The following RAB22A variants were observed in gnomAD, a reference collection of about 807,000 sequenced individuals.
RAB22A encodes the protein RAB22A, member RAS oncogene family.
Under a neutral mutation model 30.2 loss-of-function variants are expected in RAB22A, and 13 were observed. The ratio of observed to expected loss-of-function variants is 0.43; its 90% CI spans 0.28 to 0.68. The LOEUF (loss-of-function observed/expected upper bound fraction) is 0.68. RAB22A is among the 30% of genes least tolerant of loss of function. The pLI is 0.18. For synonymous variants in RAB22A, 89 were observed against 87.2 expected (o/e 1.02, Z -0.11); for missense variants, 177 against 246.8 (o/e 0.72, Z 1.89).
At chr20:58,328,723 G>A (rs757253516) in intron 2 of RAB22A, among the ~76,000 whole-genome samples, 4 of 151,956 alleles carry the variant, frequency 2.6e-5, no homozygotes, top group African/African-American at 7.3e-5. Context: ...ACTTTAGTCA[G>A]GCTTTGATAC....
At chr20:58,326,172 A>C (rs1986566720) in intron 2 of RAB22A, among the ~76,000 whole-genome samples, 1 of 151,758 alleles carries the variant, frequency 6.6e-6, no homozygotes. Flanking sequence ...CTGTATGTTT[A>C]TATTTAAGGT....
At chr20:58,358,895 C>CAA (rs1181619167) in intron 6 of RAB22A, among the ~76,000 whole-genome samples, 6 of 92,286 alleles carry the variant, frequency 6.5e-5, no homozygotes, top group Admixed American at 1.2e-4. Flanking sequence ...TAGCCTGTCT[C>CAA]AAAAAAAAAA....
At chr20:58,359,056 A>G (rs1987180180) in intron 6 of RAB22A, among the ~76,000 whole-genome samples, 1 of 152,190 alleles carries the variant, frequency 6.6e-6, no homozygotes, top group South Asian at 2.1e-4. Flanking sequence ...GTAGGGATAT[A>G]GGTGTGCCTG....
intron 2 of RAB22A, among the ~76,000 whole-genome samples, chr20:58,340,840 T>C (rs1442463425): frequency 6.6e-6 from 1 of 152,122 alleles, no homozygotes; most frequent in Non-Finnish European, 1.5e-5. Context: ...ACATTTAAGC[T>C]GAGACCCAAA....
In RAB22A at chr20:58,359,936, G is replaced by T; in HGVS notation, c.*233G>T. 1 of 262,976 alleles carries T rather than the reference G, an allele frequency of 3.8e-6. No homozygotes were observed. The highest frequency in any genetic ancestry group is 7.2e-6 in the Non-Finnish European group (1 of 138,928). 16.3% of individuals were successfully genotyped at this position (262,976 alleles called of 1,614,324 possible). On this transcript the variant is annotated 3_prime_UTR_variant, in exon 7 of 7. Coordinates refer to ENST00000244040, the MANE Select transcript of RAB22A (RefSeq NM_020673.3). ...AGTGTACAAAGGGACTACATCGTTGGCTTTTGACCTTGCTGAAAAGGAACA... is the reference window on the plus strand; with the variant it reads ...AGTGTACAAAGGGACTACATCGTTGTCTTTTGACCTTGCTGAAAAGGAACA...
At chr20:58,323,390 C>T (rs1473314766) in intron 2 of RAB22A, among the ~76,000 whole-genome samples, 2 of 151,492 alleles carry the variant, frequency 1.3e-5, no homozygotes, top group Admixed American at 6.6e-5. Flanking sequence ...TTTTTGTGTT[C>T]TCTGTATACT....
intron 2 of RAB22A, among the ~76,000 whole-genome samples, chr20:58,321,400 T>C (rs183414020): frequency 6.6e-6 from 1 of 152,188 alleles, no homozygotes; most frequent in East Asian, 1.9e-4. Flanking sequence ...GAGAACATAC[T>C]CAGTATTATT....
rs1434642647 is a variant in RAB22A, at chr20:58,362,783, G to A, written c.*3080G>A. 1 of 152,216 alleles carries A rather than the reference G, an allele frequency of 6.6e-6. No individual in the cohort carries two copies. Among genetic ancestry groups the A allele is most frequent in the African/African-American group, 2.4e-5 (1 of 41,462 alleles). The allele number at this position is 152,216 out of a possible 1,614,324, so 9.4% of individuals were successfully genotyped here. A position where few individuals can be genotyped will look rare whatever the true frequency, so the allele number is the denominator to read the frequency against. On this transcript the variant is annotated 3_prime_UTR_variant, in exon 7 of 7. Transcript: ENST00000244040. ...TTTTCAAAGTAACTTATTTTCTTGT[G>A]ACCCGTTTATGATGTTGTTTGAAGT... is the stretch of plus-strand genomic sequence containing the variant.
rs1239185774 is a variant in RAB22A at position 58,364,210 on chromosome 20, T to C, written c.*4507T>C. Reference sequence around the variant, plus strand: ...GGACATAATGTGGGAAGTGAATAAATAGAACCAAGAATCTTCATCTATCTC... The same window carrying C: ...GGACATAATGTGGGAAGTGAATAAACAGAACCAAGAATCTTCATCTATCTC... On this transcript the variant is annotated 3_prime_UTR_variant, in exon 7 of 7. Transcript: ENST00000244040. The C allele has an allele frequency of 1.3e-5, 2 of 152,514 alleles. No homozygotes were observed. Among genetic ancestry groups the C allele is most frequent in the African/African-American group, 4.8e-5 (2 of 41,460 alleles). The allele number at this position is 152,514 out of a possible 1,614,324, so 9.4% of individuals were successfully genotyped here. A position where few individuals can be genotyped will look rare whatever the true frequency, so the allele number is the denominator to read the frequency against.
In RAB22A at chr20:58,363,928, C is replaced by A. The variant is rs1351176883; in HGVS notation, c.*4225C>A. 6.6e-6 allele frequency: 1 copy of A among 152,524 alleles called. No individual in the cohort carries two copies. The highest frequency in any genetic ancestry group is 1.5e-5 in the Non-Finnish European group (1 of 68,022). 9.4% of individuals were successfully genotyped at this position (152,524 alleles called of 1,614,324 possible). Reference sequence around the variant, plus strand: ...AAAAGGGTTGGGGGTGGAATTTAGCCTAGAACTTAAAGAAACAACCTCTGC... The same window carrying A: ...AAAAGGGTTGGGGGTGGAATTTAGCATAGAACTTAAAGAAACAACCTCTGC... On this transcript the variant is annotated 3_prime_UTR_variant, in exon 7 of 7. Transcript: ENST00000244040.
chr20:58,354,272 ATC>A lies in RAB22A; in HGVS notation c.487+11_487+12del. 6.3e-7 allele frequency: 1 copy of A among 1,583,694 alleles called. No individual in the cohort carries two copies. The highest frequency in any genetic ancestry group is 1.1e-5 in the South Asian group (1 of 89,852). ...GAACTCTTTATAGAAATTAGTGAGT[ATC>A]TCTGTGCCTTATCCATTTCCTCTGT... On this transcript the variant is annotated splice_region_variant and intron_variant, in intron 6 of 6. Transcript: ENST00000244040.
chr20:58,309,801 C>T lies in RAB22A; in HGVS notation c.-176C>T. ...GTCCCGGCTGCTAAGGCGGGCCCCACGCGGCTGGCAGCGGACAGGCCGGAC... is the reference window on the plus strand; with the variant it reads ...GTCCCGGCTGCTAAGGCGGGCCCCATGCGGCTGGCAGCGGACAGGCCGGAC... On this transcript the variant is annotated 5_prime_UTR_variant, in exon 1 of 7. It adds an upstream start codon to the 5' untranslated region. Transcript: ENST00000244040. 1 of 495,160 alleles carries T rather than the reference C, an allele frequency of 2.0e-6. No individual in the cohort carries two copies. The highest frequency in any genetic ancestry group is 3.1e-6 in the Non-Finnish European group (1 of 323,560). 30.7% of individuals were successfully genotyped at this position (495,160 alleles called of 1,614,324 possible).
At chr20:58,347,641 A>G (rs1285516638) in intron 3 of RAB22A, among the ~76,000 whole-genome samples, 1 of 152,260 alleles carries the variant, frequency 6.6e-6, no homozygotes, top group African/African-American at 2.4e-5. Flanking sequence ...CCTGGCTGCA[A>G]TAATAAACCT....
intron 2 of RAB22A, among the ~76,000 whole-genome samples, chr20:58,319,450 A>G (rs759695610): frequency 6.6e-6 from 1 of 152,136 alleles, no homozygotes; most frequent in South Asian, 2.1e-4. Flanking sequence ...TATTGTGTTC[A>G]TTGCTGTAGA....
At chr20:58,342,363 T>C (rs1986869460) in intron 2 of RAB22A, among the ~76,000 whole-genome samples, 1 of 152,236 alleles carries the variant, frequency 6.6e-6, no homozygotes, top group African/African-American at 2.4e-5. Flanking sequence ...AGTCACTGTT[T>C]TGGAGGCTAC....
intron 3 of RAB22A, 137 bp downstream of exon 3, chr20:58,343,936 G>A: frequency 2.8e-6 from 2 of 726,392 alleles, no homozygotes; most frequent in South Asian, 1.8e-5. Context: ...ATTTGCGTAG[G>A]CCAGCCTTTG....
chr20:58,330,775 T>G (rs1303142938), intron 2 of RAB22A, among the ~76,000 whole-genome samples: 1 of 152,168 alleles, frequency 6.6e-6, no homozygotes, highest in Non-Finnish European at 1.5e-5. Flanking sequence ...ATTGGCAGGA[T>G]TTAAACTCCC....
chr20:58,322,069 A>G (rs1986471168), intron 2 of RAB22A, among the ~76,000 whole-genome samples: 1 of 152,168 alleles, frequency 6.6e-6, no homozygotes, highest in Non-Finnish European at 1.5e-5. Context: ...AAGGGCTGGG[A>G]TGACAGGCAT....
chr20:58,337,797 T>G (rs2122952911), intron 2 of RAB22A, among the ~76,000 whole-genome samples: 1 of 152,284 alleles, frequency 6.6e-6, no homozygotes, highest in Non-Finnish European at 1.5e-5. Flanking sequence ...GTCTATTCTG[T>G]GTCCCATCTG....
Sources: gnomAD v4.1 joint callset for allele counts (sites outside exome capture counted in the v4.1 genomes callset) on GRCh38, gnomAD v4.1.1 for gene constraint, MANE v1.5 for transcripts, NCBI Gene and HGNC (gene_info 2026-07-23, HGNC 2026-07-21) for gene names.